PIP5K1B: variants seen among roughly 807,000 people sequenced by gnomAD.
PIP5K1B encodes phosphatidylinositol 4-phosphate 5-kinase type-1 beta.
In PIP5K1B, 42 loss-of-function variants were observed where a neutral mutation model predicts 67.0. That is an observed-to-expected ratio of 0.63 (90% CI 0.49 to 0.81). The LOEUF is 0.81. PIP5K1B is among the 30% of genes least tolerant of loss of function. PIP5K1B has a pLI of 0.00. For missense variants in PIP5K1B, 459 were observed against 646.3 expected, an observed-to-expected ratio of 0.71 and a Z score of 3.14; for synonymous variants, 214 against 231.4, an observed-to-expected ratio of 0.92 and a Z score of 0.68.
intron 1 of PIP5K1B, among the ~76,000 whole-genome samples, chr9:68,714,910 T>A (rs1334751370): frequency 6.6e-6 from 1 of 152,192 alleles, no homozygotes; most frequent in Non-Finnish European, 1.5e-5. Flanking sequence ...AACCAAAGAC[T>A]GCTCTACTTC....
At chr9:68,740,570 A>G (rs1024076325) in intron 1 of PIP5K1B, among the ~76,000 whole-genome samples, 23 of 152,332 alleles carry the variant, frequency 1.5e-4, no homozygotes, top group African/African-American at 4.8e-4. Context: ...GTGGTCTTCT[A>G]TGCAATGCGG....
chr9:68,982,828 T>C (rs901291747), intron 14 of PIP5K1B, among the ~76,000 whole-genome samples: 1 of 152,144 alleles, frequency 6.6e-6, no homozygotes, highest in Non-Finnish European at 1.5e-5. Context: ...CTGTAGACTA[T>C]GGATGCATTT....
intron 4 of PIP5K1B, among the ~76,000 whole-genome samples, chr9:68,853,558 G>C (rs904171424): frequency 2.0e-5 from 3 of 152,168 alleles, no homozygotes; most frequent in African/African-American, 7.2e-5. Flanking sequence ...AAATCAGAAA[G>C]TTTTCAGAAG....
At chr9:68,924,772 T>A (rs1826599930) in intron 12 of PIP5K1B, among the ~76,000 whole-genome samples, 1 of 152,168 alleles carries the variant, frequency 6.6e-6, no homozygotes, top group Non-Finnish European at 1.5e-5. Flanking sequence ...CAAATTTTCC[T>A]GGTAATATTT....
At chr9:68,720,133 C>A (rs1564086754) in intron 1 of PIP5K1B, among the ~76,000 whole-genome samples, 3 of 152,196 alleles carry the variant, frequency 2.0e-5, no homozygotes, top group Admixed American at 2.0e-4. Flanking sequence ...GTTGAATGAA[C>A]TCATTCTTAA....
intron 4 of PIP5K1B, among the ~76,000 whole-genome samples, chr9:68,839,019 TC>T (rs67147762): frequency 0.094 from 14,355 of 152,224 alleles, 858 homozygotes; most frequent in Non-Finnish European, 0.14. Context: ...ACTGATCACT[TC>T]CCCATACCAG....
rs1827077874 is a variant in PIP5K1B, at chr9:68,705,542, T to TGGCCCCGCGGCTCC, written c.-462_-449dup. 6.6e-6 allele frequency: 1 copy of TGGCCCCGCGGCTCC among 151,986 alleles called. No individual in the cohort carries two copies. The highest frequency in any genetic ancestry group is 2.4e-5 in the African/African-American group (1 of 41,356). 9.4% of individuals were successfully genotyped at this position (151,986 alleles called of 1,614,324 possible). Reference sequence around the variant, plus strand: ...CGCCAAGGCGCGTCCGGAGCGAGTTTGGCCCCGCGGCTCCAGCCCCGGCAC... The same window carrying TGGCCCCGCGGCTCC: ...CGCCAAGGCGCGTCCGGAGCGAGTTTGGCCCCGCGGCTCCGGCCCCGCGGCTCCAGCCCCGGCAC... On this transcript the variant is annotated 5_prime_UTR_variant, in exon 1 of 16. Transcript: ENST00000265382.
chr9:68,939,552 A>G (rs1307078471), intron 13 of PIP5K1B, among the ~76,000 whole-genome samples: 1 of 152,244 alleles, frequency 6.6e-6, no homozygotes, highest in Non-Finnish European at 1.5e-5. Flanking sequence ...AAGGTTGAGC[A>G]CTTTGGTTAT....
At chr9:68,991,978 G>C (rs934930407) in intron 15 of PIP5K1B, among the ~76,000 whole-genome samples, 5 of 133,848 alleles carry the variant, frequency 3.7e-5, no homozygotes, top group Admixed American at 2.2e-4. Flanking sequence ...AATTTTTTTT[G>C]GGGGGGGGCA....
In PIP5K1B at chr9:68,809,906, C is replaced by T. The variant is rs12238854; in HGVS notation, c.-85-8555C>T. ...CCTGCTAATAGGATTCCTTTGAAGA[C>T]GAGTACCTGTCCTTGTCATTATGGC... On this transcript the variant is annotated intron_variant, in intron 2 of 15. Transcript: ENST00000265382. 5.1e-4 allele frequency among the ~76,000 whole-genome samples: 78 copies of T among 152,278 alleles called. 2 individuals carry two copies. The East Asian group carries it at 0.014, about 27-fold the overall frequency.
chr9:68,948,399 G>A (rs1827901502), intron 14 of PIP5K1B, among the ~76,000 whole-genome samples: 1 of 152,190 alleles, frequency 6.6e-6, no homozygotes, highest in South Asian at 2.1e-4. Flanking sequence ...TGGGAGGTGA[G>A]GCAGGAAGAT....
intron 2 of PIP5K1B, among the ~76,000 whole-genome samples, chr9:68,771,642 A>G (rs1178260107): frequency 6.6e-6 from 1 of 152,244 alleles, no homozygotes; most frequent in Non-Finnish European, 1.5e-5. Context: ...CAAAATACTT[A>G]GAAGGCTCTG....
chr9:68,879,057 GCTT>G (rs540210616), intron 6 of PIP5K1B, among the ~76,000 whole-genome samples: 79 of 152,208 alleles, frequency 5.2e-4, no homozygotes, highest in African/African-American at 1.4e-3. Context: ...AAATAAACAA[GCTT>G]CTAAATTATA....
chr9:68,954,212 A>G (rs942778906), intron 14 of PIP5K1B, among the ~76,000 whole-genome samples: 1 of 151,912 alleles, frequency 6.6e-6, no homozygotes, highest in African/African-American at 2.4e-5. Context: ...ATTGATTACT[A>G]CCTGTTCATA....
intron 4 of PIP5K1B, among the ~76,000 whole-genome samples, chr9:68,838,158 T>G (rs1821729430): frequency 6.6e-6 from 1 of 152,108 alleles, no homozygotes; most frequent in African/African-American, 2.4e-5. Context: ...TGTGAGTTTA[T>G]TTTGTAAACT....
chr9:68,746,981 A>T (rs929585869), intron 2 of PIP5K1B, among the ~76,000 whole-genome samples: 13 of 152,080 alleles, frequency 8.5e-5, no homozygotes, highest in African/African-American at 2.7e-4. Context: ...TTGGGGATTC[A>T]TGGGCTATGG....
rs138420362 is a variant in PIP5K1B, at chr9:68,916,773, G to A, written c.772-775G>A. 1.1e-3 allele frequency among the ~76,000 whole-genome samples: 170 copies of A among 152,166 alleles called. 8 individuals carry two copies. In the East Asian group the frequency reaches 0.031, roughly 27 times the overall value. On this transcript the variant is annotated intron_variant, in intron 8 of 15. Transcript: ENST00000265382. ...TGTAATACCAGCTACTTGGGAGGCT[G>A]AGGCAGTAGAATCGTTTGAACCCGG...
intron 14 of PIP5K1B, among the ~76,000 whole-genome samples, chr9:68,957,640 A>G (rs1185031624): frequency 6.6e-6 from 1 of 152,188 alleles, no homozygotes; most frequent in Non-Finnish European, 1.5e-5. Flanking sequence ...ATCTAATGGT[A>G]AAAGACTGGT....
chr9:68,727,367 A>G (rs1292730409), intron 1 of PIP5K1B, among the ~76,000 whole-genome samples: 2 of 152,216 alleles, frequency 1.3e-5, no homozygotes, highest in African/African-American at 4.8e-5. Flanking sequence ...TGCCTTGCAC[A>G]TACGTTTCCC....
Sources: allele counts gnomAD v4.1 joint callset (sites outside exome capture counted in the v4.1 genomes callset), GRCh38; gene constraint gnomAD v4.1.1; transcripts MANE v1.5; gene names NCBI Gene and HGNC (gene_info 2026-07-23, HGNC 2026-07-21).